PLA2R1: variants seen among roughly 807,000 people sequenced by gnomAD.
PLA2R1 encodes the protein phospholipase A2 receptor 1.
In PLA2R1, 158 loss-of-function variants were observed where a neutral mutation model predicts 195.9. The ratio of observed to expected loss-of-function variants is 0.81; its 90% CI spans 0.71 to 0.92. The LOEUF is 0.92. Ranked by LOEUF, PLA2R1 falls within the 40% of genes least tolerant of loss-of-function variation. PLA2R1 has a pLI of 0.00. For missense variants in PLA2R1, 1,626 were observed against 1,764.6 expected, an observed-to-expected ratio of 0.92 and a Z score of 1.41; for synonymous variants, 586 against 598.2, an observed-to-expected ratio of 0.98 and a Z score of 0.30.
chr2:159,970,446 A>G (rs1279623103), intron 17 of PLA2R1, among the ~76,000 whole-genome samples: 2 of 152,228 alleles, frequency 1.3e-5, no homozygotes, highest in African/African-American at 4.8e-5. Flanking sequence ...TTAGTTTCAT[A>G]CAACTTGAAA....
chr2:160,011,475 A>G (rs530638375), intron 10 of PLA2R1, among the ~76,000 whole-genome samples: 3 of 152,318 alleles, frequency 2.0e-5, no homozygotes, highest in Admixed American at 2.0e-4. Flanking sequence ...AAAATTTTCT[A>G]ATAAACTCTT....
At chr2:159,971,169 T>A (rs1042665769) in intron 17 of PLA2R1, among the ~76,000 whole-genome samples, 3 of 152,148 alleles carry the variant, frequency 2.0e-5, no homozygotes, top group Non-Finnish European at 4.4e-5. Context: ...CTTTTTAATA[T>A]AAAATTAAAC....
At chr2:160,055,003 C>T (rs1695444602) in intron 1 of PLA2R1, among the ~76,000 whole-genome samples, 1 of 152,090 alleles carries the variant, frequency 6.6e-6, no homozygotes, top group African/African-American at 2.4e-5. Context: ...TATAAATAAG[C>T]AGATTGTTAG....
chr2:159,998,107 T>A (rs1164756125), intron 11 of PLA2R1, among the ~76,000 whole-genome samples: 1 of 152,114 alleles, frequency 6.6e-6, no homozygotes, highest in Admixed American at 6.6e-5. Context: ...ACTCTGTGGT[T>A]TCCCAGGGTG....
chr2:159,977,081 A>G (rs1191681836), intron 15 of PLA2R1, among the ~76,000 whole-genome samples: 3 of 152,312 alleles, frequency 2.0e-5, no homozygotes, highest in Non-Finnish European at 2.9e-5. Flanking sequence ...TTAGCTGGTT[A>G]CCTTAGTTCC....
At chr2:159,999,979 C>T (rs1691482227) in intron 11 of PLA2R1, among the ~76,000 whole-genome samples, 1 of 152,080 alleles carries the variant, frequency 6.6e-6, no homozygotes, top group Non-Finnish European at 1.5e-5. Flanking sequence ...GCTGAGCTGG[C>T]ACAAAATAAA....
chr2:160,024,685 G>A (rs1446246986), intron 6 of PLA2R1, among the ~76,000 whole-genome samples: 1 of 152,174 alleles, frequency 6.6e-6, no homozygotes, highest in Admixed American at 6.5e-5. Flanking sequence ...GCCTTGTAGG[G>A]CTTGGCTGAT....
chr2:160,041,013 G>C (rs749334546), intron 3 of PLA2R1, among the ~76,000 whole-genome samples: 1 of 152,162 alleles, frequency 6.6e-6, no homozygotes, highest in Non-Finnish European at 1.5e-5. Context: ...TAGATGGAGA[G>C]AGCTTCCCAA....
intron 3 of PLA2R1, among the ~76,000 whole-genome samples, chr2:160,036,657 G>A (rs1694180935): frequency 6.6e-6 from 1 of 152,222 alleles, no homozygotes. Flanking sequence ...CCTCTGCTGA[G>A]GCTGGGATGG....
chr2:160,044,695 T>C, intron 2 of PLA2R1, 79 bp downstream of exon 2: 2 of 1,250,304 alleles, frequency 1.6e-6, no homozygotes, highest in Non-Finnish European at 2.3e-6. Flanking sequence ...TTCTTTCACG[T>C]AATGCTTTAC....
At chr2:160,005,900 C>T (rs1691951733) in intron 10 of PLA2R1, 79 bp from the exon 11 acceptor site, 2 of 918,404 alleles carry the variant, frequency 2.2e-6, no homozygotes, top group Non-Finnish European at 3.5e-6. Context: ...ATGAAGTGCA[C>T]AGAATGGCCC....
At chr2:160,029,255 A>G (rs922553099) in intron 4 of PLA2R1, among the ~76,000 whole-genome samples, 5 of 152,228 alleles carry the variant, frequency 3.3e-5, no homozygotes, top group African/African-American at 1.2e-4. Flanking sequence ...ACTTGAGGCC[A>G]TCTTACTTGA....
chr2:159,998,140 CA>C (rs1409160678), intron 11 of PLA2R1, among the ~76,000 whole-genome samples: 4 of 152,108 alleles, frequency 2.6e-5, no homozygotes, highest in Middle Eastern at 3.2e-3. Context: ...GCTGGTCCAG[CA>C]CAGAATAGGT....
chr2:159,975,254 CT>C (rs1430911481), intron 17 of PLA2R1, among the ~76,000 whole-genome samples: 2 of 151,918 alleles, frequency 1.3e-5, no homozygotes, highest in Non-Finnish European at 2.9e-5. Context: ...TATATCTAGC[CT>C]TTTTAAAAAC....
intron 4 of PLA2R1, among the ~76,000 whole-genome samples, chr2:160,031,541 C>T (rs1693850200): frequency 6.6e-6 from 1 of 152,120 alleles, no homozygotes; most frequent in African/African-American, 2.4e-5. Context: ...AATATGTAAG[C>T]CACACCAGGA....
intron 27 of PLA2R1, among the ~76,000 whole-genome samples, chr2:159,945,355 C>T (rs531110261): frequency 2.0e-5 from 3 of 151,756 alleles, no homozygotes; most frequent in Non-Finnish European, 4.4e-5. Context: ...CTCCTCCCCC[C>T]ACCCCACAAC....
At chr2:160,023,679 C>T (rs1693299925) in intron 6 of PLA2R1, among the ~76,000 whole-genome samples, 1 of 152,220 alleles carries the variant, frequency 6.6e-6, no homozygotes, top group South Asian at 2.1e-4. Context: ...AATAAACTTG[C>T]TTTCCTTTTA....
At chr2:160,021,419 A>G (rs1693108926) in intron 7 of PLA2R1, among the ~76,000 whole-genome samples, 1 of 152,240 alleles carries the variant, frequency 6.6e-6, no homozygotes, top group African/African-American at 2.4e-5. Context: ...TGGTATATAT[A>G]TATACACATA....
Position 159,967,588 on chromosome 2 carries a change from G to T in PLA2R1, c.2855C>A (p.Pro952Gln). ...TTTGGGACACGTTCCATGTTGTTTT[G>T]GTGTATCTTTCTTTTTCTCTATGAG... ...VWLIEKKKDT[P>Q]KQHGTCPKGW... Residue 952 changes from proline (P) to glutamine (Q), a missense_variant, in exon 20 of 30, where the codon CCA becomes CAA. Transcript: ENST00000283243. 6.2e-7 allele frequency: 1 copy of T among 1,613,254 alleles called. No individual in the cohort carries two copies. The highest frequency in any genetic ancestry group is 8.5e-7 in the Non-Finnish European group (1 of 1,179,428).
Sources: gnomAD v4.1 joint callset for allele counts (sites outside exome capture counted in the v4.1 genomes callset) on GRCh38, gnomAD v4.1.1 for gene constraint, MANE v1.5 for transcripts, NCBI Gene and HGNC (gene_info 2026-07-23, HGNC 2026-07-21) for gene names.